HPSE: variants seen among roughly 807,000 people sequenced by gnomAD.
HPSE encodes endo-glucoronidase.
In HPSE, 48 loss-of-function variants were observed where a neutral mutation model predicts 65.1. That is an observed-to-expected ratio of 0.74 (90% CI 0.58 to 0.94). HPSE has a LOEUF of 0.94. HPSE is among the 40% of genes least tolerant of loss of function. The pLI, the probability that HPSE is intolerant of heterozygous loss-of-function variation, is 0.00. For synonymous variants in HPSE, 243 were observed against 260.0 expected, an observed-to-expected ratio of 0.93 and a Z score of 0.63; for missense variants, 644 against 637.5, an observed-to-expected ratio of 1.01 and a Z score of -0.11.
intron 1 of HPSE, among the ~76,000 whole-genome samples, chr4:83,324,041 T>G (rs1044804210): frequency 6.6e-6 from 1 of 151,960 alleles, no homozygotes; most frequent in African/African-American, 2.4e-5. Flanking sequence ...CTAATTAGTT[T>G]GTCTACATGT....
At chr4:83,335,089 G>T (rs2126201127), upstream of HPSE, 1 of 314,760 alleles carries the variant, frequency 3.2e-6, no homozygotes. Flanking sequence ...AGATGGCCGG[G>T]ATCCAAGCGC....
intron 2 of HPSE, among the ~76,000 whole-genome samples, chr4:83,320,578 A>AT (rs1269027700): frequency 1.3e-5 from 2 of 151,846 alleles, no homozygotes. Flanking sequence ...AAAAAAAAAA[A>AT]AGAAAAAAGA....
At chr4:83,318,832 C>A (rs755295952) in intron 3 of HPSE, among the ~76,000 whole-genome samples, 6 of 151,848 alleles carry the variant, frequency 4.0e-5, no homozygotes, top group Non-Finnish European at 7.4e-5. Context: ...TAATGGGTAG[C>A]TGAGCTAGCC....
chr4:83,313,642 T>A (rs931931716), intron 3 of HPSE, among the ~76,000 whole-genome samples: 1 of 152,198 alleles, frequency 6.6e-6, no homozygotes, highest in Non-Finnish European at 1.5e-5. Context: ...CCACTCTTCA[T>A]AATCTAAATA....
intron 10 of HPSE, among the ~76,000 whole-genome samples, 196 bp from the exon 11 acceptor site, chr4:83,301,302 T>C (rs1735938990): frequency 6.6e-6 from 1 of 152,178 alleles, no homozygotes; most frequent in Admixed American, 6.5e-5. Context: ...AGTGTGCTCC[T>C]ATTTTGAAAA....
chr4:83,320,159 G>A (rs1736830220), intron 2 of HPSE, among the ~76,000 whole-genome samples: 1 of 152,102 alleles, frequency 6.6e-6, no homozygotes, highest in East Asian at 1.9e-4. Context: ...TCTGCAGTGT[G>A]GTGTTTTCCT....
chr4:83,325,145 G>GTA (rs1737097076), intron 1 of HPSE, among the ~76,000 whole-genome samples: 1 of 100,798 alleles, frequency 9.9e-6, no homozygotes, highest in Non-Finnish European at 2.1e-5. Context: ...GTGTGTGTGT[G>GTA]TGTGTGTGTG....
At chr4:83,310,615 T>C in intron 5 of HPSE, 107 bp downstream of exon 5, 10 of 1,031,344 alleles carry the variant, frequency 9.7e-6, no homozygotes, top group Non-Finnish European at 1.4e-5. Flanking sequence ...GAAGTTGCAG[T>C]GAGCCATGAT....
At chr4:83,334,491 T>A (rs1737532674) in intron 1 of HPSE, 65 bp downstream of exon 1, 1 of 1,471,418 alleles carries the variant, frequency 6.8e-7, no homozygotes, top group Admixed American at 2.4e-5. Context: ...GGAGAGCGGC[T>A]GGCGGGGCAG....
Position 83,309,254 on chromosome 4 carries a change from AG to A in HPSE, c.984+147del, listed in dbSNP as rs1255508486. On this transcript the variant is annotated intron_variant, in intron 7 of 11. Transcript: ENST00000311412. The stretch of plus-strand genomic sequence containing the variant: ...GTACATGGGGTAAGACCCAATGCTA[AG>A]GGGAAAACTAACAGTGGATAAGTCA... The A allele has an allele frequency of 4.4e-5, 27 of 613,846 alleles. 1 individual carries two copies. The East Asian group carries it at 6.8e-4, about 16-fold the overall frequency. 38.0% of individuals were successfully genotyped at this position (613,846 alleles called of 1,614,324 possible).
In HPSE at chr4:83,293,499, C is replaced by G. The variant is rs1205918823; in HGVS notation, c.*1845G>C. 1 of 152,166 alleles carries G rather than the reference C, an allele frequency of 6.6e-6. No homozygotes were observed. Among genetic ancestry groups the G allele is most frequent in the Admixed American group, 6.5e-5 (1 of 15,282 alleles). The allele number at this position is 152,166 out of a possible 1,614,324, so 9.4% of individuals were successfully genotyped here. Reference sequence around the variant, plus strand: ...ACGTACTGAAGTGCTGGAGCCTGGCCTGTTTGAACGTCTAGTTATGTGGGA... The same window carrying G: ...ACGTACTGAAGTGCTGGAGCCTGGCGTGTTTGAACGTCTAGTTATGTGGGA... On this transcript the variant is annotated 3_prime_UTR_variant, in exon 12 of 12. Transcript: ENST00000311412.
intron 11 of HPSE, among the ~76,000 whole-genome samples, chr4:83,298,819 C>A: frequency 6.6e-6 from 1 of 151,978 alleles, no homozygotes; most frequent in Admixed American, 6.6e-5. Context: ...CAGAATGAGA[C>A]CCCCGCCTCA....
Position 83,310,864 on chromosome 4 carries a change from C to T in HPSE, c.700G>A (p.Asp234Asn). ...AACTGCGACCCATTGATGAAAATAT[C>T]AGCCTTCTTAAGGAAACTGTTAGGT... ...NEPNSFLKKA[D>N]IFINGSQLGE... The change falls in exon 5 of 12, where the codon GAT (aspartate) becomes AAT (asparagine). Residue 234 changes from aspartate (D) to asparagine (N), a missense_variant. Physicochemically the swap from Asp to Asn is conservative, Grantham distance 23. Coordinates refer to ENST00000311412, the MANE Select transcript of HPSE (RefSeq NM_001098540.3). 6.2e-7 allele frequency: 1 copy of T among 1,613,540 alleles called. No individual in the cohort carries two copies. Among genetic ancestry groups the T allele is most frequent in the Non-Finnish European group, 8.5e-7 (1 of 1,179,580 alleles).
Position 83,302,260 on chromosome 4 carries a change from C to A in HPSE, c.1215G>T (p.Trp405Cys). Residue 405 changes from tryptophan to cysteine, a missense_variant, in exon 10 of 12, where the codon TGG becomes TGT. Transcript: ENST00000311412. ...DENFDPLPDY[W>C]LSLLFKKLVG... ...CCAATTTCTTGAACAGAAGAGATAG[C>A]CAATAATCCTAGTTGTGGTGGTTGG... The A allele has an allele frequency of 1.2e-6, 2 of 1,606,798 alleles. No individual in the cohort carries two copies. The highest frequency in any genetic ancestry group is 1.7e-6 in the Non-Finnish European group (2 of 1,173,668).
intron 3 of HPSE, among the ~76,000 whole-genome samples, chr4:83,317,924 T>TTTAA (rs1320255644): frequency 7.2e-5 from 11 of 152,196 alleles, no homozygotes; most frequent in African/African-American, 2.7e-4. Context: ...TTAATTACAC[T>TTTAA]TATTAAAGTG....
chr4:83,330,713 G>C (rs1038931236), intron 1 of HPSE, among the ~76,000 whole-genome samples: 2 of 152,178 alleles, frequency 1.3e-5, no homozygotes, highest in Non-Finnish European at 2.9e-5. Flanking sequence ...AGCAAGCATG[G>C]TTGCATTATC....
Position 83,300,733 on chromosome 4 carries a change from T to G in HPSE, c.1472+227A>C, listed in dbSNP as rs1735909957. Among the ~76,000 whole-genome samples, 2 of 58,984 alleles carry G rather than the reference T, an allele frequency of 3.4e-5. 1 individual carries two copies. The highest frequency in any genetic ancestry group is 5.4e-4 in the Admixed American group (2 of 3,702). The allele number at this position is 58,984 out of a possible 152,430, so 38.7% of individuals were successfully genotyped here. A position where few individuals can be genotyped will look rare whatever the true frequency, so the allele number is the denominator to read the frequency against. ...GGGAGGCTGAGGCAGGAGAATGGCGTGAACCCGGGAGGCGGAGCTTGCAGT... is the reference window on the plus strand; with the variant it reads ...GGGAGGCTGAGGCAGGAGAATGGCGGGAACCCGGGAGGCGGAGCTTGCAGT... On this transcript the variant is annotated intron_variant, in intron 11 of 11. Coordinates refer to ENST00000311412, the MANE Select transcript of HPSE (RefSeq NM_001098540.3).
chr4:83,304,617 G>A (rs1183154839), intron 9 of HPSE, among the ~76,000 whole-genome samples: 5 of 152,086 alleles, frequency 3.3e-5, no homozygotes, highest in Non-Finnish European at 7.4e-5. Context: ...CTTGAGCCCA[G>A]GAGTTTGAGA....
intron 3 of HPSE, among the ~76,000 whole-genome samples, 169 bp downstream of exon 3, chr4:83,319,175 A>AC (rs55826538): frequency 0.79 from 120,238 of 151,610 alleles, 47,764 homozygotes; most frequent in East Asian, 0.87. Flanking sequence ...AAACAAACAA[A>AC]AAAAAAACCA....
Sources: allele counts gnomAD v4.1 joint callset (sites outside exome capture counted in the v4.1 genomes callset), GRCh38; gene constraint gnomAD v4.1.1; transcripts MANE v1.5; gene names NCBI Gene and HGNC (gene_info 2026-07-23, HGNC 2026-07-21).